Variants in ARHGAP29 observed in about 807,000 individuals in gnomAD.
ARHGAP29 encodes the protein rho GTPase-activating protein 29.
In ARHGAP29, 43 loss-of-function variants were observed where a neutral mutation model predicts 122.6. That is an observed-to-expected ratio of 0.35 (90% CI 0.27 to 0.45). ARHGAP29 has a LOEUF of 0.45. Ranked by LOEUF, ARHGAP29 falls within the 20% of genes least tolerant of loss-of-function variation. The probability of loss-of-function intolerance (pLI) is 1.00; values close to 1 mark genes in which losing one functional copy is unlikely to be tolerated. For synonymous variants in ARHGAP29, 506 were observed against 497.1 expected, an observed-to-expected ratio of 1.02 and a Z score of -0.24; for missense variants, 1,303 against 1,477.2, an observed-to-expected ratio of 0.88 and a Z score of 1.93.
At chr1:94,276,909 G>GTA (rs1322337090), upstream of ARHGAP29, among the ~76,000 whole-genome samples, 1 of 147,658 alleles carries the variant, frequency 6.8e-6, no homozygotes, top group Non-Finnish European at 1.5e-5. Flanking sequence ...TTTATAAAAT[G>GTA]TATCACCTGG....
At chr1:94,303,244 A>T in the ARHGAP29 span, among the ~76,000 whole-genome samples, 31 of 152,348 alleles carry the variant, frequency 2.0e-4, no homozygotes, top group African/African-American at 7.5e-4. Context: ...AAAGGAAGGA[A>T]ATTCTGACAT....
chr1:94,218,341 T>TA (rs1391636281), intron 3 of ARHGAP29, among the ~76,000 whole-genome samples: 1 of 152,160 alleles, frequency 6.6e-6, no homozygotes. Flanking sequence ...GTAAAACAGT[T>TA]ACAATAATCC....
the ARHGAP29 span, among the ~76,000 whole-genome samples, chr1:94,299,304 T>C: frequency 6.6e-6 from 1 of 152,164 alleles, no homozygotes; most frequent in Non-Finnish European, 1.5e-5. Context: ...AGCCTTCTAA[T>C]TTTTTTCCTT....
intron 1 of ARHGAP29, among the ~76,000 whole-genome samples, chr1:94,264,035 A>T (rs1654659770): frequency 6.6e-6 from 1 of 152,182 alleles, no homozygotes; most frequent in Non-Finnish European, 1.5e-5. Context: ...CCTAGTTGAG[A>T]TCCCTAGAAG....
At chr1:94,276,264 A>T (rs569858015), upstream of ARHGAP29, among the ~76,000 whole-genome samples, 277 of 152,214 alleles carry the variant, frequency 1.8e-3, no homozygotes, top group African/African-American at 6.1e-3. Flanking sequence ...TCTCAAAAAA[A>T]AAAAAAGTTT....
intron 1 of ARHGAP29, among the ~76,000 whole-genome samples, chr1:94,233,606 C>G (rs143072864): frequency 1.9e-3 from 293 of 152,282 alleles, no homozygotes; most frequent in African/African-American, 6.5e-3. Flanking sequence ...AACATGAGAT[C>G]TGGCTCCTAC....
In ARHGAP29 at chr1:94,173,502, A is replaced by G. The variant is rs1648882315; in HGVS notation, c.*367T>C. 1 of 173,156 alleles carries G rather than the reference A, an allele frequency of 5.8e-6. No individual in the cohort carries two copies. Among genetic ancestry groups the G allele is most frequent in the Non-Finnish European group, 1.3e-5 (1 of 79,730 alleles). 10.7% of individuals were successfully genotyped at this position (173,156 alleles called of 1,614,324 possible). On this transcript the variant is annotated 3_prime_UTR_variant, in exon 23 of 23. Coordinates refer to ENST00000260526, the MANE Select transcript of ARHGAP29 (RefSeq NM_004815.4). ...GCACTTATAACAGTTCCACTCCAAA[A>G]AATAAACCTGATTTTCCCAAATTGC...
chr1:94,303,405 G>A, the ARHGAP29 span, among the ~76,000 whole-genome samples: 2 of 152,158 alleles, frequency 1.3e-5, no homozygotes, highest in Admixed American at 1.3e-4. Flanking sequence ...GCTAGGGGCT[G>A]GGGAGTGGGG....
Position 94,169,090 on chromosome 1 carries a change from A to C in ARHGAP29, c.*4779T>G, listed in dbSNP as rs1648552003. Among the ~76,000 whole-genome samples, 1 of 152,206 alleles carries C rather than the reference A, an allele frequency of 6.6e-6. No homozygotes were observed. The highest frequency in any genetic ancestry group is 6.5e-5 in the Admixed American group (1 of 15,286). ...GAACCACAATTCAATATTTTCTATA[A>C]ATTTCATAAATGTCTATGTTTAAAC... On this transcript the variant is annotated 3_prime_UTR_variant, in exon 23 of 23. Coordinates refer to ENST00000260526, the MANE Select transcript of ARHGAP29 (RefSeq NM_004815.4).
At chr1:94,273,117 A>C (rs962821278) in intron 1 of ARHGAP29, among the ~76,000 whole-genome samples, 1 of 152,170 alleles carries the variant, frequency 6.6e-6, no homozygotes, top group Non-Finnish European at 1.5e-5. Context: ...TGAGTACTTA[A>C]AGGATTGAAA....
the ARHGAP29 span, among the ~76,000 whole-genome samples, chr1:94,308,794 G>A: frequency 1.3e-5 from 2 of 152,174 alleles, no homozygotes; most frequent in African/African-American, 4.8e-5. Context: ...TGGCATTTAT[G>A]TGTATGTAAC....
At chr1:94,183,309 C>A (rs1396401522) in intron 19 of ARHGAP29, among the ~76,000 whole-genome samples, 1 of 152,132 alleles carries the variant, frequency 6.6e-6, no homozygotes. Flanking sequence ...TTCATTTTCA[C>A]CCGAGGACAG....
At chr1:94,261,588 C>A (rs751599021) in intron 1 of ARHGAP29, among the ~76,000 whole-genome samples, 3 of 152,140 alleles carry the variant, frequency 2.0e-5, no homozygotes, top group Non-Finnish European at 4.4e-5. Flanking sequence ...ACAAAAATTA[C>A]TAGCATTTCT....
At chr1:94,279,007 T>G (rs1347503456), upstream of ARHGAP29, among the ~76,000 whole-genome samples, 2 of 152,214 alleles carry the variant, frequency 1.3e-5, no homozygotes, top group Non-Finnish European at 2.9e-5. Context: ...TATTGATCAA[T>G]TTACCCTTGT....
chr1:94,237,777 C>A, upstream of ARHGAP29: 1 of 985,378 alleles, frequency 1.0e-6, no homozygotes, highest in Non-Finnish European at 1.2e-6. Flanking sequence ...CCCAGCATCA[C>A]GGGCTGCGTC....
At chr1:94,304,768 G>T in the ARHGAP29 span, among the ~76,000 whole-genome samples, 31 of 152,194 alleles carry the variant, frequency 2.0e-4, no homozygotes, top group Non-Finnish European at 1.6e-4. Flanking sequence ...AAACAGTCAT[G>T]ATTTGGATTT....
At chr1:94,182,811 TAAAACAAAACAAAAC>T (rs55980639) in intron 19 of ARHGAP29, among the ~76,000 whole-genome samples, 2 of 148,770 alleles carry the variant, frequency 1.3e-5, no homozygotes, top group African/African-American at 5.0e-5. Flanking sequence ...AACAGGAGAA[TAAAACAAAACAAAAC>T]AAAACAAAAC....
the ARHGAP29 span, among the ~76,000 whole-genome samples, chr1:94,284,067 A>T: frequency 1.5e-5 from 2 of 134,766 alleles, no homozygotes; most frequent in Admixed American, 1.7e-4. Flanking sequence ...TCTGGCAAAA[A>T]GTTGAAAGGC....
intron 2 of ARHGAP29, among the ~76,000 whole-genome samples, chr1:94,226,855 A>G (rs953568971): frequency 2.6e-5 from 4 of 152,132 alleles, no homozygotes; most frequent in African/African-American, 9.6e-5. Flanking sequence ...ATTTATTTCT[A>G]GGATAAGACA....
Sources: gnomAD v4.1 joint callset for allele counts (sites outside exome capture counted in the v4.1 genomes callset) on GRCh38, gnomAD v4.1.1 for gene constraint, MANE v1.5 for transcripts, NCBI Gene and HGNC (gene_info 2026-07-23, HGNC 2026-07-21) for gene names.